Variants in CTSZ observed in about 807,000 individuals in gnomAD.
CTSZ encodes cathepsin Z.
CTSZ carries 39 observed loss-of-function variants against 32.4 expected under a neutral mutation model. The ratio of observed to expected loss-of-function variants is 1.20; its 90% CI spans 0.93 to 1.57. The LOEUF is 1.57. Among genes scored for constraint, CTSZ ranks in the 40% most tolerant of loss-of-function variants. The pLI is 0.00. For missense variants in CTSZ, 397 were observed against 419.6 expected (o/e 0.95, Z 0.47); for synonymous variants, 168 against 170.1 (o/e 0.99, Z 0.10).
chr20:59,003,684 G>A (rs1437641462), intron 2 of CTSZ, among the ~76,000 whole-genome samples: 2 of 152,176 alleles, frequency 1.3e-5, no homozygotes, highest in African/African-American at 4.8e-5. Context: ...CCCCGCTGAG[G>A]TGACATCCAT....
At chr20:58,998,662 A>G (rs1742635475) in intron 3 of CTSZ, among the ~76,000 whole-genome samples, 1 of 152,218 alleles carries the variant, frequency 6.6e-6, no homozygotes, top group African/African-American at 2.4e-5. Flanking sequence ...GTCTGAGACC[A>G]GCCTGGACAA....
chr20:59,003,623 G>A (rs1216865094), intron 2 of CTSZ, among the ~76,000 whole-genome samples: 1 of 152,180 alleles, frequency 6.6e-6, no homozygotes, highest in Non-Finnish European at 1.5e-5. Flanking sequence ...AATAAATCCG[G>A]GAGATAATTC....
chr20:59,000,938 C>T (rs2091886095), intron 3 of CTSZ, among the ~76,000 whole-genome samples: 1 of 151,370 alleles, frequency 6.6e-6, no homozygotes, highest in Non-Finnish European at 1.5e-5. Context: ...AAGCAATGCT[C>T]CTGCCTCAGC....
intron 3 of CTSZ, among the ~76,000 whole-genome samples, chr20:59,000,920 C>T (rs766155395): frequency 2.0e-5 from 3 of 151,132 alleles, no homozygotes. Context: ...ACCTCTGCCT[C>T]CCGGGTCAAG....
At chr20:58,998,188 G>A (rs957389282) in intron 3 of CTSZ, among the ~76,000 whole-genome samples, 8 of 151,738 alleles carry the variant, frequency 5.3e-5, no homozygotes, top group African/African-American at 9.7e-5. Flanking sequence ...CTGTGCCCAC[G>A]CTGAGGGGAC....
intron 3 of CTSZ, among the ~76,000 whole-genome samples, chr20:58,998,577 G>C (rs2091873005): frequency 7.2e-6 from 1 of 138,064 alleles, no homozygotes; most frequent in Non-Finnish European, 1.6e-5. Flanking sequence ...AGAAAGAAAG[G>C]ACAGGCGTGG....
chr20:59,001,560 G>A lies in CTSZ; in HGVS notation c.392C>T (p.Ser131Phe). The change falls in exon 3 of 6, where the codon TCC becomes TTC. Residue 131 changes from serine (S) to phenylalanine (F), a missense_variant. Physicochemically the swap from Ser to Phe is radical, Grantham distance 155 (BLOSUM62 -2). Coordinates refer to ENST00000217131, the MANE Select transcript of CTSZ (RefSeq NM_001336.4). Reference protein sequence around the residue: ...QNVIDCGNAGSCEGGNDLSVW... With the variant: ...QNVIDCGNAGFCEGGNDLSVW... ...GGACAGGTCATTACCCCCTTCACAG[G>A]AGCCAGCGTTACCGCAGTCGATGAC... 6.2e-7 allele frequency: 1 copy of A among 1,614,208 alleles called. No homozygotes were observed. The highest frequency in any genetic ancestry group is 8.5e-7 in the Non-Finnish European group (1 of 1,180,030).
chr20:58,997,411 G>C (rs1238645076), intron 4 of CTSZ, 192 bp downstream of exon 4: 3 of 449,090 alleles, frequency 6.7e-6, no homozygotes, highest in African/African-American at 2.0e-5. Flanking sequence ...AAATGATGTG[G>C]CTGTCTCGAG....
Position 59,007,018 on chromosome 20 carries a change from C to T in CTSZ, c.111G>A (p.Leu37=), listed in dbSNP as rs1283405245. 6.8e-7 allele frequency: 1 copy of T among 1,473,222 alleles called. No individual in the cohort carries two copies. Among genetic ancestry groups the T allele is most frequent in the Non-Finnish European group, 8.9e-7 (1 of 1,119,532 alleles). 91.3% of individuals were successfully genotyped at this position (1,473,222 alleles called of 1,614,324 possible). ...FRRGQTCYRP[L]RGDGLAPLGR... ...CCAGCGGAGCCAGCCCGTCCCCCCG[C>T]AGAGGCCGGTAGCAGGTCTGTCCCC... The change falls in exon 1 of 6, where the codon CTG becomes CTA. Residue 37 remains leucine (L), a synonymous_variant. Transcript: ENST00000217131.
Position 59,002,647 on chromosome 20 carries a change from TC to T in CTSZ, c.308-1004del, listed in dbSNP as rs1245234150. Among the ~76,000 whole-genome samples, 1 of 152,038 alleles carries T rather than the reference TC, an allele frequency of 6.6e-6. No individual in the cohort carries two copies. On this transcript the variant is annotated intron_variant, in intron 2 of 5. Transcript: ENST00000217131. This position sits in a 1 kb window ranked among gnomAD's most constrained non-coding sequence, Gnocchi z 4.1. ...CTCCCGGTCGCCCAGCCAGGGGCCT[TC>T]TGGAACTGTCCCTGCTCTGGTGACT...
chr20:59,006,103 A>T (rs1051301512), intron 2 of CTSZ: 1 of 550,484 alleles, frequency 1.8e-6, no homozygotes, highest in African/African-American at 1.9e-5. Context: ...ACTGGGATTC[A>T]GTCCTAGTCC....
chr20:59,005,293 C>T (rs1299848745), intron 2 of CTSZ, among the ~76,000 whole-genome samples: 1 of 152,198 alleles, frequency 6.6e-6, no homozygotes, highest in Admixed American at 6.5e-5. Flanking sequence ...AAGAACCCCT[C>T]ATTCACAAGA....
Position 59,002,967 on chromosome 20 carries a change from C to A in CTSZ, c.308-1323G>T, listed in dbSNP as rs573438005. On this transcript the variant is annotated intron_variant, in intron 2 of 5. Transcript: ENST00000217131. The surrounding 1 kb of genome is among the most constrained non-coding windows in gnomAD (Gnocchi z 4.1). Reference sequence around the variant, plus strand: ...CCCCGGCCCCTCCCACTCACTATCACGGTTTTCTGCTTCACTCAATGGTTT... The same window carrying A: ...CCCCGGCCCCTCCCACTCACTATCAAGGTTTTCTGCTTCACTCAATGGTTT... 6.6e-6 allele frequency among the ~76,000 whole-genome samples: 1 copy of A among 152,176 alleles called. No individual in the cohort carries two copies. The highest frequency in any genetic ancestry group is 2.4e-5 in the African/African-American group (1 of 41,444).
intron 3 of CTSZ, among the ~76,000 whole-genome samples, chr20:58,998,704 AT>A (rs1401332523): frequency 3.3e-5 from 5 of 152,284 alleles, no homozygotes; most frequent in African/African-American, 1.2e-4. Context: ...CAGAAAAAAA[AT>A]TTTATAAATT....
Position 58,997,586 on chromosome 20 carries a change from G to A in CTSZ, c.638+17C>T, listed in dbSNP as rs755616979. On this transcript the variant is annotated intron_variant, in intron 4 of 5. Coordinates refer to ENST00000217131, the MANE Select transcript of CTSZ (RefSeq NM_001336.4). ...CTCACCCGCAAACCTCTCTTTGCCC[G>A]CGGGACCTCTCCTCACCTGATGGGA... 9.1e-6 allele frequency: 14 copies of A among 1,532,228 alleles called. No individual in the cohort carries two copies. The South Asian group carries it at 1.1e-4, about 12-fold the overall frequency. The allele number at this position is 1,532,228 out of a possible 1,614,324, so 94.9% of individuals were successfully genotyped here.
rs2091893282 is a variant in CTSZ at position 59,002,395 on chromosome 20, G to T, written c.308-751C>A. 6.6e-6 allele frequency among the ~76,000 whole-genome samples: 1 copy of T among 152,130 alleles called. No individual in the cohort carries two copies. Reference sequence around the variant, plus strand: ...TCTCACTCTGCCCTCCCAGGACAATGATTTCACAGCCACACACCCCTGCAC... The same window carrying T: ...TCTCACTCTGCCCTCCCAGGACAATTATTTCACAGCCACACACCCCTGCAC... On this transcript the variant is annotated intron_variant, in intron 2 of 5. Coordinates refer to ENST00000217131, the MANE Select transcript of CTSZ (RefSeq NM_001336.4). The surrounding 1 kb of genome is among the most constrained non-coding windows in gnomAD (Gnocchi z 4.1).
intron 4 of CTSZ, among the ~76,000 whole-genome samples, chr20:58,997,073 G>A (rs1157677926): frequency 6.7e-6 from 1 of 150,306 alleles, no homozygotes; most frequent in African/African-American, 2.5e-5. Flanking sequence ...GAGGCGGGAG[G>A]ATAGCTTGAG....
chr20:59,006,513 C>A (rs754533124), intron 1 of CTSZ, 28 bp from the exon 2 acceptor site: 8 of 1,595,050 alleles, frequency 5.0e-6, no homozygotes, highest in Non-Finnish European at 6.8e-6. Context: ...CCACCCAGAT[C>A]GGTGCTGGGG....
intron 5 of CTSZ, 88 bp downstream of exon 5, chr20:58,996,551 A>G (rs1289486942): frequency 7.0e-7 from 1 of 1,424,274 alleles, no homozygotes; most frequent in Non-Finnish European, 9.8e-7. Flanking sequence ...CCCAGTTTTT[A>G]GCTAAACGTA....
Sources: allele counts gnomAD v4.1 joint callset (sites outside exome capture counted in the v4.1 genomes callset), GRCh38; gene constraint gnomAD v4.1.1; non-coding constraint Gnocchi (gnomAD v3.1); transcripts MANE v1.5; gene names NCBI Gene and HGNC (gene_info 2026-07-23, HGNC 2026-07-21).